Variants in RP1 observed in about 807,000 individuals in gnomAD.
RP1 encodes the protein RP1 axonemal microtubule associated, also known as oxygen-regulated protein 1.
RP1 carries 16 observed loss-of-function variants against 14.8 expected under a neutral mutation model. The observed-to-expected ratio is 1.08, with a 90% CI of 0.73 to 1.65. The LOEUF is 1.65. Among genes scored for constraint, RP1 ranks in the 40% most tolerant of loss-of-function variants. The pLI, the probability that RP1 is intolerant of heterozygous loss-of-function variation, is 0.00. For synonymous variants in RP1, 876 were observed against 883.6 expected, an observed-to-expected ratio of 0.99 and a Z score of 0.15; for missense variants, 2,631 against 2,535.0, an observed-to-expected ratio of 1.04 and a Z score of -0.81.
intron 1 of RP1, among the ~76,000 whole-genome samples, chr8:54,573,136 T>C (rs1188016767): frequency 2.0e-5 from 3 of 152,210 alleles, no homozygotes; most frequent in Non-Finnish European, 4.4e-5. Context: ...TGCCTCTTGA[T>C]TGTGAGAAGG....
rs2075407155 is a variant in RP1, at chr8:54,621,400, C to T, written c.434C>T (p.Ala145Val). 4.3e-6 allele frequency: 7 copies of T among 1,613,214 alleles called. No homozygotes were observed. The highest frequency in any genetic ancestry group is 1.6e-4 in the Middle Eastern group (1 of 6,062). Reference protein sequence around the residue: ...AHSPPHPVAVAAPGMPRPPRS... With the variant: ...AHSPPHPVAVVAPGMPRPPRS... Reference sequence around the variant, plus strand: ...TCACCGCCCCACCCCGTAGCCGTCGCTGCTCCCGGCATGCCCCGCCCCCCA... The same window carrying T: ...TCACCGCCCCACCCCGTAGCCGTCGTTGCTCCCGGCATGCCCCGCCCCCCA... The change falls in exon 2 of 4, where the codon GCT (alanine) becomes GTT (valine). Residue 145 changes from alanine to valine, a missense_variant. Physicochemically the swap from Ala to Val is moderately conservative, Grantham distance 64. Transcript: ENST00000220676.
chr8:54,771,616 A>G (rs1264379726), downstream of RP1, among the ~76,000 whole-genome samples: 3 of 151,990 alleles, frequency 2.0e-5, no homozygotes, highest in African/African-American at 7.2e-5. Flanking sequence ...TATATTTTTT[A>G]TAGTTCAAAA....
intron 1 of RP1, among the ~76,000 whole-genome samples, chr8:54,586,057 G>T (rs1804913374): frequency 6.6e-6 from 1 of 152,206 alleles, no homozygotes; most frequent in Non-Finnish European, 1.5e-5. Context: ...CGTTCCTTTG[G>T]AGGAGGAGAG....
rs556275208 is a variant in RP1, at chr8:54,865,247, G to A, written c.4070-588G>A. On this transcript the variant is annotated intron_variant, in intron 27 of 28. Transcript: ENST00000637698. ...AATTCTATATTCTGTGATTTCTTTG[G>A]GTTTTTAAGTTAAGTCATATCTTCT... Among the ~76,000 whole-genome samples, 5 of 151,624 alleles carry A rather than the reference G, an allele frequency of 3.3e-5. No individual in the cohort carries two copies. In the South Asian group the frequency reaches 1.0e-3, roughly 32 times the overall value.
At chr8:54,641,256 T>C (rs116285496) in intron 3 of RP1, among the ~76,000 whole-genome samples, 4,479 of 152,216 alleles carry the variant, frequency 0.029, 129 homozygotes, top group African/African-American at 0.066. Flanking sequence ...TAATTCTCCT[T>C]ATAGACACCA....
chr8:54,807,118 T>G (rs1212341636), intron 24 of RP1, among the ~76,000 whole-genome samples: 3 of 152,156 alleles, frequency 2.0e-5, no homozygotes, highest in African/African-American at 7.2e-5. Context: ...TAATTAAATC[T>G]CCTCCACCTG....
intron 6 of RP1, chr8:54,656,362 A>C (rs1806755063): frequency 1.3e-6 from 1 of 789,944 alleles, no homozygotes; most frequent in African/African-American, 1.8e-5. Context: ...TGGCAGCTGC[A>C]TCTAAATGCT....
intron 1 of RP1, among the ~76,000 whole-genome samples, chr8:54,619,692 G>A (rs746381031): frequency 6.6e-5 from 10 of 152,230 alleles, no homozygotes; most frequent in Non-Finnish European, 8.8e-5. Context: ...GACTGCACCA[G>A]TTTTAGCAGC....
intron 24 of RP1, among the ~76,000 whole-genome samples, chr8:54,787,164 T>C (rs192948221): frequency 2.8e-4 from 42 of 152,206 alleles, no homozygotes; most frequent in Admixed American, 1.9e-3. Context: ...AGAGTTCAGC[T>C]CTATGGTTGC....
chr8:54,601,598 G>GAAAAAAAAAAAAA (rs1296926931), intron 1 of RP1, among the ~76,000 whole-genome samples: 2 of 93,680 alleles, frequency 2.1e-5, no homozygotes, highest in East Asian at 3.3e-4. Flanking sequence ...AAAAAACTTA[G>GAAAAAAAAAAAAA]AAAAAAAAAA....
chr8:54,817,174 C>T (rs1811153630), intron 24 of RP1, among the ~76,000 whole-genome samples: 1 of 151,932 alleles, frequency 6.6e-6, no homozygotes, highest in African/African-American at 2.4e-5. Context: ...GGATAGGTGC[C>T]CTATTTTATT....
chr8:54,613,306 G>A (rs1417623522), upstream of RP1, among the ~76,000 whole-genome samples: 4 of 152,174 alleles, frequency 2.6e-5, no homozygotes, highest in Non-Finnish European at 5.9e-5. Flanking sequence ...AAATTATTAT[G>A]CTTCCTGATA....
chr8:54,853,488 C>G (rs900709614), intron 26 of RP1, among the ~76,000 whole-genome samples: 2 of 152,258 alleles, frequency 1.3e-5, no homozygotes, highest in African/African-American at 4.8e-5. Context: ...ATGGGAGCAG[C>G]CTTGGGGGAC....
At chr8:54,837,074 A>G (rs975540072) in intron 24 of RP1, among the ~76,000 whole-genome samples, 2 of 152,170 alleles carry the variant, frequency 1.3e-5, no homozygotes, top group Non-Finnish European at 2.9e-5. Context: ...TCAGGATCTC[A>G]CTGTAATGGG....
In RP1 at chr8:54,630,284, C is replaced by T. The variant is rs755082655; in HGVS notation, c.6402C>T (p.Phe2134=). The T allele has an allele frequency of 1.2e-6, 2 of 1,613,582 alleles. No individual in the cohort carries two copies. Among genetic ancestry groups the T allele is most frequent in the East Asian group, 4.5e-5 (2 of 44,820 alleles). ...GTATGTTTGAGGGTGAAAATCTTTTCATTTGGGAAGAGGAAGACATATTAA... is the reference window on the plus strand; with the variant it reads ...GTATGTTTGAGGGTGAAAATCTTTTTATTTGGGAAGAGGAAGACATATTAA... ...ELCMFEGENL[F]IWEEEDILNL... is the part of the protein sequence containing the mutation. The change falls in exon 4 of 4, where the codon TTC becomes TTT. Residue 2134 remains phenylalanine, a synonymous_variant. Coordinates refer to ENST00000220676, the MANE Select transcript of RP1 (RefSeq NM_006269.2).
At chr8:54,842,541 A>T (rs749401766) in intron 25 of RP1, among the ~76,000 whole-genome samples, 1 of 152,130 alleles carries the variant, frequency 6.6e-6, no homozygotes, top group Non-Finnish European at 1.5e-5. Context: ...CATTCACTAC[A>T]CTAAATTCAT....
At chr8:54,855,500 A>G (rs1812172939) in intron 26 of RP1, among the ~76,000 whole-genome samples, 2 of 152,226 alleles carry the variant, frequency 1.3e-5, no homozygotes, top group Admixed American at 1.3e-4. Context: ...GATAAATTAT[A>G]CTATTTTAGT....
intron 14 of RP1, among the ~76,000 whole-genome samples, chr8:54,703,733 C>A (rs1439419545): frequency 7.9e-5 from 12 of 152,202 alleles, no homozygotes; most frequent in Admixed American, 5.2e-4. Context: ...TTTATTTACA[C>A]TGAAAATCTG....
intron 1 of RP1, among the ~76,000 whole-genome samples, chr8:54,578,173 G>A (rs1804702832): frequency 6.6e-6 from 1 of 151,788 alleles, no homozygotes; most frequent in African/African-American, 2.4e-5. Flanking sequence ...AGCGAGAAAT[G>A]GGAGCTCAGA....
Sources: gnomAD v4.1 joint callset for allele counts (sites outside exome capture counted in the v4.1 genomes callset) on GRCh38, gnomAD v4.1.1 for gene constraint, MANE v1.5 for transcripts, NCBI Gene and HGNC (gene_info 2026-07-23, HGNC 2026-07-21) for gene names.